TMEM181: variants seen among roughly 807,000 people sequenced by gnomAD.
TMEM181 encodes G protein-coupled receptor 178.
TMEM181 carries 39 observed loss-of-function variants against 71.9 expected under a neutral mutation model. The ratio of observed to expected loss-of-function variants is 0.54; its 90% confidence interval spans 0.42 to 0.71. The LOEUF (loss-of-function observed/expected upper bound fraction) is 0.71. Among genes scored for constraint, TMEM181 ranks in the 30% least tolerant of loss-of-function variants. TMEM181 has a pLI of 0.00. For synonymous variants in TMEM181, 245 were observed against 228.8 expected, an observed-to-expected ratio of 1.07 and a Z score of -0.64; for missense variants, 595 against 583.0, an observed-to-expected ratio of 1.02 and a Z score of -0.21.
chr6:158,562,132 G>A (rs1023608147), intron 1 of TMEM181, among the ~76,000 whole-genome samples: 4 of 152,136 alleles, frequency 2.6e-5, no homozygotes, highest in Non-Finnish European at 4.4e-5. Flanking sequence ...GCAGACCCTG[G>A]CCTTATGACC....
intron 7 of TMEM181, 71 bp downstream of exon 7, chr6:158,605,418 C>T: frequency 7.1e-7 from 1 of 1,404,960 alleles, no homozygotes; most frequent in Non-Finnish European, 1.0e-6. Context: ...CAGTTAGGAT[C>T]TTCGGTGCAA....
chr6:158,569,880 A>G (rs1782707974), intron 1 of TMEM181, among the ~76,000 whole-genome samples: 1 of 151,986 alleles, frequency 6.6e-6, no homozygotes, highest in African/African-American at 2.4e-5. Context: ...CTGGGATTGC[A>G]GGCGTGAGCC....
At chr6:158,542,409 C>A (rs747911524) in intron 1 of TMEM181, among the ~76,000 whole-genome samples, 3 of 152,206 alleles carry the variant, frequency 2.0e-5, no homozygotes, top group Admixed American at 1.3e-4. Context: ...ATCTTCCCGA[C>A]AACCCTCAGA....
In TMEM181 at chr6:158,631,360, G is replaced by A. The variant is rs898081776; in HGVS notation, c.1320G>A (p.Leu440=). 1 of 1,614,204 alleles carries A rather than the reference G, an allele frequency of 6.2e-7. No individual in the cohort carries two copies. The highest frequency in any genetic ancestry group is 8.5e-7 in the Non-Finnish European group (1 of 1,180,044). ...AAGACAATCCTGCCTTCTCCATGCT[G>A]AATGACTCGGATGATGATGTGATTT... The part of the protein sequence containing the change: ...QLKDNPAFSM[L]NDSDDDVIYG... Residue 440 remains leucine, a synonymous_variant, in exon 16 of 17, where the codon CTG becomes CTA. Coordinates refer to ENST00000684151, the MANE Select transcript of TMEM181 (RefSeq NM_001376852.1).
chr6:158,607,819 T>C (rs931501018), intron 8 of TMEM181, among the ~76,000 whole-genome samples: 2 of 152,202 alleles, frequency 1.3e-5, no homozygotes, highest in South Asian at 2.1e-4. Context: ...GATGCCTGGC[T>C]CTCTAACAAA....
intron 1 of TMEM181, among the ~76,000 whole-genome samples, chr6:158,551,334 A>G (rs114770793): frequency 0.017 from 2,617 of 152,170 alleles, 67 homozygotes; most frequent in African/African-American, 0.059. Context: ...CTGTCAGTTT[A>G]TTTATTAGAG....
At chr6:158,625,070 G>A in intron 11 of TMEM181, 34 bp from the exon 12 acceptor site, 1 of 1,553,294 alleles carries the variant, frequency 6.4e-7, no homozygotes, top group Non-Finnish European at 8.9e-7. Context: ...CAGAGGCCCT[G>A]TTCCGACTCA....
chr6:158,536,654 C>T, exon 1 of TMEM181: 1 of 1,490,528 alleles, frequency 6.7e-7, no homozygotes, highest in East Asian at 2.7e-5. Flanking sequence ...GCCCGATCCC[C>T]AGTGCTGGGA....
At chr6:158,543,358 C>CA (rs1425014211) in intron 1 of TMEM181, among the ~76,000 whole-genome samples, 1 of 152,198 alleles carries the variant, frequency 6.6e-6, no homozygotes, top group Non-Finnish European at 1.5e-5. Flanking sequence ...GGACAGGCCT[C>CA]AAGTCTGGTG....
intron 13 of TMEM181, 180 bp from the exon 14 acceptor site, chr6:158,628,228 C>CTG (rs141387062): frequency 2.9e-4 from 202 of 689,122 alleles, no homozygotes; most frequent in East Asian, 3.7e-4. Context: ...GAAGCAGGGG[C>CTG]TGTGTGTGTG....
chr6:158,633,447 T>C lies in TMEM181; in HGVS notation c.*1559T>C, dbSNP rs1286535456. The C allele has an allele frequency of 6.6e-6, 1 of 152,210 alleles. No individual in the cohort carries two copies. Among genetic ancestry groups the C allele is most frequent in the African/African-American group, 2.4e-5 (1 of 41,444 alleles). The allele number at this position is 152,210 out of a possible 1,614,324, so 9.4% of individuals were successfully genotyped here. A position where few individuals can be genotyped will look rare whatever the true frequency, so the allele number is the denominator to read the frequency against. The stretch of plus-strand genomic sequence containing the variant: ...CACTTCTGTTAACATCTGGTAACTG[T>C]GGGCAACCTGACTGATGCCGTCTTG... On this transcript the variant is annotated 3_prime_UTR_variant, in exon 17 of 17. Transcript: ENST00000684151.
chr6:158,632,090 A>G lies in TMEM181; in HGVS notation c.*202A>G. ...ATTTATTGTCATGGTGGCTACGAGA[A>G]GAGGCATTGATAACAAGTTTCAACA... On this transcript the variant is annotated 3_prime_UTR_variant, in exon 17 of 17. Transcript: ENST00000684151. The G allele has an allele frequency of 3.5e-6, 2 of 563,482 alleles. No homozygotes were observed. Among genetic ancestry groups the G allele is most frequent in the Non-Finnish European group, 6.3e-6 (2 of 317,082 alleles). The allele number at this position is 563,482 out of a possible 1,614,324, so 34.9% of individuals were successfully genotyped here.
At chr6:158,595,900 G>T (rs759682410) in intron 6 of TMEM181, among the ~76,000 whole-genome samples, 12 of 152,026 alleles carry the variant, frequency 7.9e-5, no homozygotes, top group Non-Finnish European at 1.6e-4. Flanking sequence ...TGTAATTTAG[G>T]ATACTTGTCC....
At chr6:158,590,453 TG>T (rs576778014) in intron 6 of TMEM181, among the ~76,000 whole-genome samples, 483 of 152,132 alleles carry the variant, frequency 3.2e-3, no homozygotes, top group African/African-American at 0.011. Flanking sequence ...GGTTTTTTTT[TG>T]TTTTGTTTTG....
chr6:158,557,824 TAAGTA>T (rs1306467430), upstream of TMEM181, among the ~76,000 whole-genome samples: 1 of 152,214 alleles, frequency 6.6e-6, no homozygotes, highest in Non-Finnish European at 1.5e-5. Flanking sequence ...CCCGGTCAAT[TAAGTA>T]ATTATTTAGG....
rs759566285 is a variant in TMEM181, at chr6:158,625,752, TA to T, written c.1108del (p.Ser370AlafsTer7). On this transcript the variant is annotated frameshift_variant and splice_region_variant, in exon 13 of 17. Transcript: ENST00000684151. LOFTEE classifies it high-confidence loss of function. ...CATTGACTTTCGTAGTACTTGTCAT[TA>T]GGTAAGAAGACCTTATTTCTTGAAA... ...TALTFVVLVI[S>X]IAILYLRFGA... 6.2e-7 allele frequency: 1 copy of T among 1,609,958 alleles called. No individual in the cohort carries two copies. Among genetic ancestry groups the T allele is most frequent in the Non-Finnish European group, 8.5e-7 (1 of 1,178,906 alleles).
At chr6:158,594,792 A>G (rs1252386899) in intron 6 of TMEM181, among the ~76,000 whole-genome samples, 1 of 152,130 alleles carries the variant, frequency 6.6e-6, no homozygotes, top group African/African-American at 2.4e-5. Context: ...GGTTCAAGCG[A>G]TTCTCCTGCC....
chr6:158,603,386 C>T (rs975156443), intron 6 of TMEM181, among the ~76,000 whole-genome samples: 2 of 152,150 alleles, frequency 1.3e-5, no homozygotes, highest in Non-Finnish European at 2.9e-5. Flanking sequence ...ACAGCAGGTT[C>T]GTGCTTCTGT....
intron 1 of TMEM181, among the ~76,000 whole-genome samples, chr6:158,537,199 G>T (rs1304526408): frequency 3.9e-5 from 6 of 151,968 alleles, no homozygotes; most frequent in African/African-American, 1.4e-4. Context: ...TCCTCCCTGC[G>T]CCCCGCGTCG....
Sources: allele counts gnomAD v4.1 joint callset (sites outside exome capture counted in the v4.1 genomes callset), GRCh38; gene constraint gnomAD v4.1.1; transcripts MANE v1.5; gene names NCBI Gene and HGNC (gene_info 2026-07-23, HGNC 2026-07-21).